LRRTM4: variants seen among roughly 807,000 people sequenced by gnomAD.
LRRTM4 encodes the protein leucine rich repeat transmembrane neuronal 4, also known as leucine-rich repeat transmembrane neuronal protein 4.
LRRTM4 carries 25 observed loss-of-function variants against 47.6 expected under a neutral mutation model. The observed-to-expected ratio is 0.53, with a 90% CI of 0.38 to 0.73. The LOEUF (loss-of-function observed/expected upper bound fraction) is 0.73. Ranked by LOEUF, LRRTM4 falls within the 30% of genes least tolerant of loss-of-function variation. LRRTM4 has a pLI of 0.00. For missense variants in LRRTM4, 638 were observed against 713.4 expected, an observed-to-expected ratio of 0.89 and a Z score of 1.20; for synonymous variants, 311 against 269.5, an observed-to-expected ratio of 1.15 and a Z score of -1.51.
chr2:76,863,354 T>A (rs1672374140), intron 3 of LRRTM4, among the ~76,000 whole-genome samples: 1 of 152,134 alleles, frequency 6.6e-6, no homozygotes, highest in Non-Finnish European at 1.5e-5. Flanking sequence ...ATTCTTAATA[T>A]AATATAATGA....
chr2:76,909,007 T>C (rs780154143), intron 3 of LRRTM4, among the ~76,000 whole-genome samples: 14 of 152,088 alleles, frequency 9.2e-5, no homozygotes, highest in Non-Finnish European at 1.5e-4. Context: ...AAAGTTCACA[T>C]GGAAGCAAAA....
intron 3 of LRRTM4, among the ~76,000 whole-genome samples, chr2:76,835,692 C>T (rs534287309): frequency 1.3e-5 from 2 of 152,114 alleles, no homozygotes; most frequent in South Asian, 2.1e-4. Context: ...TGACTATTTG[C>T]ACATTTATTT....
chr2:77,127,718 A>C (rs1373875971), intron 3 of LRRTM4, among the ~76,000 whole-genome samples: 1 of 152,204 alleles, frequency 6.6e-6, no homozygotes, highest in Non-Finnish European at 1.5e-5. Context: ...TGAAAAAAAC[A>C]CATGCATGGT....
chr2:77,371,328 C>T (rs561722827), intron 3 of LRRTM4, among the ~76,000 whole-genome samples: 2 of 151,912 alleles, frequency 1.3e-5, no homozygotes, highest in South Asian at 4.1e-4. Context: ...CTGATACTCT[C>T]GGAATTCAGC....
rs1449682891 is a variant in LRRTM4, at chr2:77,396,856, C to T, written c.1551+121462G>A. Among the ~76,000 whole-genome samples, 3 of 151,830 alleles carry T rather than the reference C, an allele frequency of 2.0e-5. No homozygotes were observed. In the Admixed American group the frequency reaches 2.0e-4, roughly 10 times the overall value. On this transcript the variant is annotated intron_variant, in intron 3 of 3. Transcript: ENST00000409884. ...GAGATCAATGTTTGAATATACGTTT[C>T]TTAAAAGAATCTATATTTGAAGAGT...
At chr2:77,494,860 T>C (rs2104057406) in intron 3 of LRRTM4, among the ~76,000 whole-genome samples, 1 of 152,156 alleles carries the variant, frequency 6.6e-6, no homozygotes, top group Non-Finnish European at 1.5e-5. Flanking sequence ...GACTTTGCAA[T>C]CCCTAGAATT....
In LRRTM4 at chr2:76,797,690, G is replaced by C. The variant is rs530944018; in HGVS notation, c.1552-48774C>G. Among the ~76,000 whole-genome samples the C allele has an allele frequency of 2.4e-3, 358 of 151,370 alleles. 1 individual carries two copies. The highest frequency in any genetic ancestry group is 8.4e-3 in the African/African-American group (344 of 41,182). The stretch of plus-strand genomic sequence containing the variant: ...ACTGGCAAATTGGATAAAGAGTCAA[G>C]ACCCATCAGTGTGCTGTATTCAGGA... On this transcript the variant is annotated intron_variant, in intron 3 of 3. Coordinates refer to ENST00000409884, the MANE Select transcript of LRRTM4 (RefSeq NM_001134745.3).
rs1671017602 is a variant in LRRTM4 at position 77,332,779 on chromosome 2, T to C, written c.1551+185539A>G. Among the ~76,000 whole-genome samples, 4 of 152,222 alleles carry C rather than the reference T, an allele frequency of 2.6e-5. No homozygotes were observed. The South Asian group carries it at 8.3e-4, about 31-fold the overall frequency. On this transcript the variant is annotated intron_variant, in intron 3 of 3. Transcript: ENST00000409884. ...GTTTTACTGCATGTTGTCCTACACC[T>C]ACACTATAGAATTCTATAGTTTCAA...
intron 3 of LRRTM4, among the ~76,000 whole-genome samples, chr2:77,312,383 A>G (rs1224355821): frequency 6.6e-6 from 1 of 152,166 alleles, no homozygotes; most frequent in Non-Finnish European, 1.5e-5. Context: ...ACCACCCATA[A>G]TTATGTAAAT....
chr2:77,508,616 C>A (rs150820326), intron 3 of LRRTM4, among the ~76,000 whole-genome samples: 1 of 151,888 alleles, frequency 6.6e-6, no homozygotes, highest in African/African-American at 2.4e-5. Flanking sequence ...TTTCATAGTA[C>A]GCAATCATAT....
At chr2:77,005,308 C>G (rs1257800288) in intron 3 of LRRTM4, among the ~76,000 whole-genome samples, 3 of 152,102 alleles carry the variant, frequency 2.0e-5, no homozygotes, top group Admixed American at 6.6e-5. Context: ...CCACACCCAG[C>G]TAACTTTTGT....
At chr2:77,168,573 C>A (rs1672955864) in intron 3 of LRRTM4, among the ~76,000 whole-genome samples, 1 of 152,016 alleles carries the variant, frequency 6.6e-6, no homozygotes, top group African/African-American at 2.4e-5. Flanking sequence ...TATTTCAAAT[C>A]TTTTAGATAT....
intron 3 of LRRTM4, among the ~76,000 whole-genome samples, chr2:77,135,577 T>C (rs1671913865): frequency 6.6e-6 from 1 of 152,214 alleles, no homozygotes; most frequent in Admixed American, 6.5e-5. Context: ...TATTTACTTA[T>C]TACAATGACT....
At chr2:76,879,740 T>A (rs1296316078) in intron 3 of LRRTM4, among the ~76,000 whole-genome samples, 2 of 152,204 alleles carry the variant, frequency 1.3e-5, no homozygotes, top group African/African-American at 4.8e-5. Flanking sequence ...CTGGGCAAAG[T>A]AAATTGAAAA....
chr2:77,403,217 C>G (rs1165124210), intron 3 of LRRTM4, among the ~76,000 whole-genome samples: 1 of 151,980 alleles, frequency 6.6e-6, no homozygotes, highest in African/African-American at 2.4e-5. Context: ...CCTTCCTATA[C>G]TGACTTTTTA....
At chr2:77,313,800 A>G (rs1204526925) in intron 3 of LRRTM4, among the ~76,000 whole-genome samples, 1 of 152,140 alleles carries the variant, frequency 6.6e-6, no homozygotes, top group Non-Finnish European at 1.5e-5. Flanking sequence ...TTATTCCTAA[A>G]CATCAATGAT....
intron 3 of LRRTM4, among the ~76,000 whole-genome samples, chr2:77,217,476 C>T (rs1674489515): frequency 8.0e-5 from 3 of 37,564 alleles, no homozygotes; most frequent in Admixed American, 3.1e-4. Context: ...TATACTAAGC[C>T]TTTAATTTAA....
At chr2:76,835,742 G>A (rs1269611255) in intron 3 of LRRTM4, among the ~76,000 whole-genome samples, 4 of 151,890 alleles carry the variant, frequency 2.6e-5, no homozygotes, top group Non-Finnish European at 5.9e-5. Flanking sequence ...TCACGGTAAG[G>A]TCACTTAAGG....
At chr2:77,069,966 T>G (rs1417855719) in intron 3 of LRRTM4, among the ~76,000 whole-genome samples, 1 of 152,152 alleles carries the variant, frequency 6.6e-6, no homozygotes, top group East Asian at 1.9e-4. Flanking sequence ...GAGAAAGCTC[T>G]TAGGCCTGGC....
Sources: allele counts gnomAD v4.1 joint callset (sites outside exome capture counted in the v4.1 genomes callset), GRCh38; gene constraint gnomAD v4.1.1; transcripts MANE v1.5; gene names NCBI Gene and HGNC (gene_info 2026-07-23, HGNC 2026-07-21).